The following GPC4 variants were observed in gnomAD, a reference collection of about 807,000 sequenced individuals.
The protein encoded by GPC4 is glypican 4, also known as glypican-4.
A neutral mutation model predicts 35.0 loss-of-function variants in GPC4; 10 were observed. The observed-to-expected ratio is 0.29, with a 90% confidence interval of 0.18 to 0.48. The LOEUF is 0.48. GPC4 is among the 20% of genes least tolerant of loss of function. The pLI is 0.99. For missense variants in GPC4, 322 were observed against 451.3 expected, an observed-to-expected ratio of 0.71 and a Z score of 2.60; for synonymous variants, 167 against 170.2, an observed-to-expected ratio of 0.98 and a Z score of 0.15.
intron 1 of GPC4, among the ~76,000 whole-genome samples, chrX:133,383,069 A>C (rs941604097): frequency 5.4e-5 from 6 of 111,989 alleles, no homozygotes; most frequent in African/African-American, 1.9e-4. Context: ...AAATGAGCTG[A>C]AAACATATTC....
At chrX:133,335,696 T>C (rs944596076) in intron 2 of GPC4, among the ~76,000 whole-genome samples, 1 of 112,428 alleles carries the variant, frequency 8.9e-6, no homozygotes, top group African/African-American at 3.2e-5. Flanking sequence ...ACTGGGATAA[T>C]GAGATGATTT....
intron 1 of GPC4, among the ~76,000 whole-genome samples, chrX:133,413,425 A>T (rs1413096212): frequency 1.8e-5 from 2 of 112,349 alleles, no homozygotes; most frequent in African/African-American, 6.5e-5. Context: ...TATGTAATTG[A>T]TGACTGCACT....
chrX:133,363,025 C>T (rs1054335858), intron 1 of GPC4, among the ~76,000 whole-genome samples: 1 of 112,258 alleles, frequency 8.9e-6, no homozygotes, highest in Admixed American at 9.4e-5. Context: ...CTGGGAATGC[C>T]ATGGCAGAGA....
At chrX:133,318,912 G>GA (rs1442160483) in intron 3 of GPC4, among the ~76,000 whole-genome samples, 1 of 112,176 alleles carries the variant, frequency 8.9e-6, no homozygotes, top group Non-Finnish European at 1.9e-5. Context: ...TGTGGGCCCA[G>GA]AAAAAACAAA....
rs774196377 is a variant in GPC4 at position 133,379,986 on chromosome X, G to A, written c.160+34820C>T. ...CCTGAATTTTCTTTACAAAAACTTC[G>A]AAAGTGCCAGATCCTAACTCCAAGG... On this transcript the variant is annotated intron_variant, in intron 1 of 8. Transcript: ENST00000370828. Among the ~76,000 whole-genome samples the A allele has an allele frequency of 9.9e-5, 11 of 110,556 alleles. No homozygotes were observed. In the Middle Eastern group the frequency reaches 0.014, roughly 142 times the overall value.
intron 2 of GPC4, among the ~76,000 whole-genome samples, chrX:133,333,512 C>T (rs1343820857): frequency 8.9e-6 from 1 of 112,956 alleles, no homozygotes; most frequent in African/African-American, 3.2e-5. Flanking sequence ...TTTGTCTGAG[C>T]TTTTGATTTG....
At chrX:133,394,506 TGAA>T (rs2068733922) in intron 1 of GPC4, among the ~76,000 whole-genome samples, 1 of 110,649 alleles carries the variant, frequency 9.0e-6, no homozygotes, top group Admixed American at 9.7e-5. Flanking sequence ...AAAGAGGGGC[TGAA>T]GAAGAAGAGA....
Position 133,303,263 on chromosome X carries a change from T to G in GPC4, c.1371A>C (p.Pro457=), listed in dbSNP as rs763657299. 4.1e-6 allele frequency: 5 copies of G among 1,209,375 alleles called. No individual in the cohort carries two copies. The Admixed American group carries it at 6.6e-5, about 16-fold the overall frequency. The change falls in exon 8 of 9, where the codon CCA becomes CCC. Residue 457 remains proline, a synonymous_variant. Transcript: ENST00000370828. ...TGATTTGACGAAGGATCAGTATGTC[T>G]GGTTTGCTGGTGTCAACCTGGACCT... ...NPEVQVDTSK[P]DILILRQIMA... is the part of the protein sequence containing the mutation.
intron 1 of GPC4, among the ~76,000 whole-genome samples, chrX:133,354,568 A>ATTTATT (rs781240039): frequency 2.1e-5 from 2 of 95,205 alleles, no homozygotes; most frequent in African/African-American, 4.2e-5. Context: ...TTATTTATTT[A>ATTTATT]TTTTTTTTTT....
chrX:133,415,112 CGGA>C lies in GPC4; in HGVS notation c.-150_-148del. The C allele has an allele frequency of 1.8e-6, 1 of 555,951 alleles. No homozygotes were observed. The highest frequency in any genetic ancestry group is 2.8e-6 in the Non-Finnish European group (1 of 359,259). The allele number at this position is 555,951 out of a possible 1,213,427, so 45.8% of individuals were successfully genotyped here. A position where few individuals can be genotyped will look rare whatever the true frequency, so the allele number is the denominator to read the frequency against. ...GGAGTTGGTGGAAGAGGCGAGCAGG[CGGA>C]GGAGACGCGGGGCGAAAAGTAGAGC... On this transcript the variant is annotated 5_prime_UTR_variant, in exon 1 of 9. Transcript: ENST00000370828.
chrX:133,406,032 G>A (rs2068785644), intron 1 of GPC4, among the ~76,000 whole-genome samples: 1 of 112,368 alleles, frequency 8.9e-6, no homozygotes, highest in South Asian at 3.7e-4. Context: ...GGGATTTACT[G>A]TACTTCTATT....
intron 2 of GPC4, among the ~76,000 whole-genome samples, chrX:133,328,975 C>A (rs2068406403): frequency 8.9e-6 from 1 of 111,859 alleles, no homozygotes; most frequent in East Asian, 2.8e-4. Context: ...GCGTTTATTT[C>A]CCCTTCAATT....
intron 2 of GPC4, among the ~76,000 whole-genome samples, chrX:133,336,750 TA>T (rs1284486332): frequency 9.2e-6 from 1 of 109,193 alleles, no homozygotes; most frequent in Non-Finnish European, 1.9e-5. Context: ...TACTACCCAT[TA>T]AAAAAAAACC....
chrX:133,319,493 A>G (rs1011520233), intron 3 of GPC4, among the ~76,000 whole-genome samples: 19 of 104,635 alleles, frequency 1.8e-4, no homozygotes, highest in African/African-American at 6.6e-4. Flanking sequence ...AGAAAGAAAG[A>G]CCTCTTTGTA....
chrX:133,302,624 AC>A lies in GPC4; in HGVS notation c.*242del. 1 of 402,836 alleles carries A rather than the reference AC, an allele frequency of 2.5e-6. No individual in the cohort carries two copies. Among genetic ancestry groups the A allele is most frequent in the Non-Finnish European group, 4.3e-6 (1 of 231,831 alleles). 33.2% of individuals were successfully genotyped at this position (402,836 alleles called of 1,213,427 possible). On this transcript the variant is annotated 3_prime_UTR_variant, in exon 9 of 9. Transcript: ENST00000370828. ...AATGCACAACTAACTATAGTTCTGT[AC>A]CTACACTGTTAGCCACGTTTAACAT...
In GPC4 at chrX:133,302,880, C is replaced by T. The variant is rs181578301; in HGVS notation, c.1658G>A (p.Arg553Lys). The T allele has an allele frequency of 1.3e-5, 16 of 1,208,830 alleles. No homozygotes were observed. The African/African-American group carries it at 2.1e-4, about 16-fold the overall frequency. Residue 553 changes from arginine (R) to lysine (K), a missense_variant, in exon 9 of 9, where the codon AGA becomes AAA. Around this residue, in one of 3 missense-constraint regions of GPC4, gnomAD observed 99 missense variants for 110.0 expected, o/e 0.90. Transcript: ENST00000370828. ...VFCILFLVMQ[R>K]EWR ...AGAGTTTGAGAATTATCTCCACTCTCTCTGCATAACCAGGAACAAGATGCA... is the reference window on the plus strand; with the variant it reads ...AGAGTTTGAGAATTATCTCCACTCTTTCTGCATAACCAGGAACAAGATGCA...
At chrX:133,369,384 AGTCT>A (rs912387242) in intron 1 of GPC4, among the ~76,000 whole-genome samples, 2 of 112,018 alleles carry the variant, frequency 1.8e-5, no homozygotes, top group African/African-American at 6.5e-5. Flanking sequence ...AGATAACTAG[AGTCT>A]GTCTTAAATG....
intron 1 of GPC4, among the ~76,000 whole-genome samples, chrX:133,386,062 AT>A (rs1003861089): frequency 1.8e-5 from 2 of 108,964 alleles, no homozygotes; most frequent in Non-Finnish European, 3.8e-5. Flanking sequence ...TAAATAAAAA[AT>A]AAAAATAAAA....
intron 1 of GPC4, among the ~76,000 whole-genome samples, chrX:133,353,158 T>C (rs921688899): frequency 3.6e-5 from 4 of 111,335 alleles, no homozygotes; most frequent in Non-Finnish European, 7.5e-5. Context: ...AAGAGATAGA[T>C]ACAAATGCTC....
Sources: gnomAD v4.1 joint callset for allele counts (sites outside exome capture counted in the v4.1 genomes callset) on GRCh38, gnomAD v4.1.1 for gene constraint, gnomAD v4.1.1 regional missense constraint, MANE v1.5 for transcripts, NCBI Gene and HGNC (gene_info 2026-07-23, HGNC 2026-07-21) for gene names.